Variants in SMC4 observed in about 807,000 individuals in gnomAD.
SMC4 encodes the protein structural maintenance of chromosomes protein 4.
Under a neutral mutation model 145.6 loss-of-function variants are expected in SMC4, and 87 were observed. That is an observed-to-expected ratio of 0.60 (90% confidence interval 0.50 to 0.71). SMC4 has a LOEUF of 0.71. Among genes scored for constraint, SMC4 ranks in the 30% least tolerant of loss-of-function variants. The probability of loss-of-function intolerance (pLI) is 0.00; values close to 1 mark genes in which losing one functional copy is unlikely to be tolerated. For missense variants in SMC4, 1,447 were observed against 1,537.1 expected (o/e 0.94, Z 0.98); for synonymous variants, 558 against 500.7 (o/e 1.11, Z -1.53).
chr3:160,404,214 A>T, intron 4 of SMC4, 114 bp from the exon 5 acceptor site: 1 of 890,100 alleles, frequency 1.1e-6, no homozygotes, highest in Non-Finnish European at 1.7e-6. Flanking sequence ...GTGCATGTTC[A>T]ATTGAAGTTT....
chr3:160,413,968 TTGA>T, intron 8 of SMC4: 1 of 319,456 alleles, frequency 3.1e-6, no homozygotes, highest in Non-Finnish European at 5.8e-6. Flanking sequence ...ATGTCCCTAC[TTGA>T]TGCCATTTTT....
intron 16 of SMC4, 101 bp from the exon 17 acceptor site, chr3:160,425,969 AGTGT>A (rs1414761693): frequency 4.9e-6 from 4 of 816,070 alleles, no homozygotes; most frequent in Non-Finnish European, 7.9e-6. Flanking sequence ...TCTTCCTATT[AGTGT>A]GTGTCTTTTT....
Position 160,411,986 on chromosome 3 carries a change from G to A in SMC4, c.754G>A (p.Glu252Lys). ...GQTEHDEGML[E>K]YLEDIIGCGR... is the part of the protein sequence containing the mutation. ...GACTGAACACGATGAGGGTATGCTT[G>A]AATATTTAGAAGATATAATTGGTTG... Residue 252 changes from glutamate (E) to lysine (K), a missense_variant, in exon 6 of 24, where the codon GAA (glutamate) becomes AAA (lysine). Transcript: ENST00000357388. 6.2e-7 allele frequency: 1 copy of A among 1,613,628 alleles called. No homozygotes were observed. The highest frequency in any genetic ancestry group is 8.5e-7 in the Non-Finnish European group (1 of 1,179,770).
At chr3:160,407,332 CACTTGAGCCCAGGA>C (rs1715443892) in intron 5 of SMC4, among the ~76,000 whole-genome samples, 1 of 152,160 alleles carries the variant, frequency 6.6e-6, no homozygotes, top group Non-Finnish European at 1.5e-5. Context: ...GCAGGCAGAT[CACTTGAGCCCAGGA>C]GTTGGAGACC....
At chr3:160,412,284 T>C (rs539601119) in intron 6 of SMC4, 42 bp from the exon 7 acceptor site, 2 of 1,549,462 alleles carry the variant, frequency 1.3e-6, no homozygotes, top group Non-Finnish European at 1.8e-6. Flanking sequence ...ATATTGTACA[T>C]ATGAAGTGTG....
intron 17 of SMC4, 76 bp downstream of exon 17, chr3:160,426,276 T>C: frequency 9.3e-7 from 1 of 1,077,152 alleles, no homozygotes; most frequent in Non-Finnish European, 1.4e-6. Flanking sequence ...TAAGAAGCAG[T>C]AGAATAATAA....
rs992895313 is a variant in SMC4 at position 160,401,963 on chromosome 3, A to G, written c.188A>G (p.Asn63Ser). Reference protein sequence around the residue: ...LDNRSLEEILNSIPPPPPPAM... With the variant: ...LDNRSLEEILSSIPPPPPPAM... ...AATAGAAGTTTAGAAGAGATTTTGA[A>G]CAGCATTCCTCCTCCCCCGCCTCCA... Residue 63 changes from asparagine (N) to serine (S), a missense_variant, in exon 3 of 24, where the codon AAC (asparagine) becomes AGC (serine). Asn to Ser is a conservative substitution (Grantham distance 46, BLOSUM62 1). Coordinates refer to ENST00000357388, the MANE Select transcript of SMC4 (RefSeq NM_001002800.3). The G allele has an allele frequency of 1.2e-6, 2 of 1,607,538 alleles. No individual in the cohort carries two copies. Among genetic ancestry groups the G allele is most frequent in the Non-Finnish European group, 1.7e-6 (2 of 1,177,210 alleles).
intron 18 of SMC4, among the ~76,000 whole-genome samples, chr3:160,429,364 TAC>T (rs895507605): frequency 5.3e-5 from 8 of 152,208 alleles, no homozygotes; most frequent in African/African-American, 1.9e-4. Flanking sequence ...TATTTTTTGA[TAC>T]AGAGTCTTGC....
intron 13 of SMC4, among the ~76,000 whole-genome samples, chr3:160,423,137 C>G (rs1267166644): frequency 1.3e-5 from 2 of 151,932 alleles, no homozygotes; most frequent in African/African-American, 4.8e-5. Flanking sequence ...TTTTAAGATC[C>G]AGATGGTCAA....
At chr3:160,414,234 T>C in intron 8 of SMC4, 133 bp from the exon 9 acceptor site, 1 of 753,944 alleles carries the variant, frequency 1.3e-6, no homozygotes, top group African/African-American at 1.7e-5. Context: ...CATCTTGGAA[T>C]AAGGAGAGTT....
chr3:160,422,566 A>G lies in SMC4; in HGVS notation c.2020-859A>G, dbSNP rs187931498. Among the ~76,000 whole-genome samples, 256 of 152,284 alleles carry G rather than the reference A, an allele frequency of 1.7e-3. 2 individuals are homozygous for G. The highest frequency in any genetic ancestry group is 5.9e-3 in the African/African-American group (247 of 41,556). ...CTTTGTTGAGTTGTAGGATTTCTCTATTCTGAATACAAGTCTCTTGTGAGA... is the reference window on the plus strand; with the variant it reads ...CTTTGTTGAGTTGTAGGATTTCTCTGTTCTGAATACAAGTCTCTTGTGAGA... On this transcript the variant is annotated intron_variant, in intron 13 of 23. Coordinates refer to ENST00000357388, the MANE Select transcript of SMC4 (RefSeq NM_001002800.3).
At chr3:160,420,556 G>A in intron 12 of SMC4, 184 bp from the exon 13 acceptor site, 1 of 487,698 alleles carries the variant, frequency 2.1e-6, no homozygotes, top group South Asian at 3.5e-5. Flanking sequence ...GTGCTCATTA[G>A]AAATTCAAGC....
At chr3:160,412,697 A>G in intron 7 of SMC4, 1 of 791,456 alleles carries the variant, frequency 1.3e-6, no homozygotes, top group Middle Eastern at 5.6e-4. Flanking sequence ...CCCCATCTCT[A>G]CAAAAAAAGG....
intron 1 of SMC4, 94 bp from the exon 2 acceptor site, chr3:160,400,728 C>T (rs1184405867): frequency 2.2e-6 from 3 of 1,370,988 alleles, no homozygotes; most frequent in Non-Finnish European, 2.8e-6. Flanking sequence ...AAGCGGGGCT[C>T]TCGGAAGCCG....
At chr3:160,423,908 T>A in intron 15 of SMC4, 68 bp downstream of exon 15, 1 of 1,285,278 alleles carries the variant, frequency 7.8e-7, no homozygotes, top group Non-Finnish European at 1.1e-6. Context: ...GGTATATACT[T>A]ACTACAAAAT....
rs1716593911 is a variant in SMC4, at chr3:160,416,419, A to C, written c.1437+4A>C. ...AGGGCTTCAGAAAGAAAAAGAAGTA[A>C]GTTTTTTTTTTTTATCAGTGTTTAT... On this transcript the variant is annotated splice_donor_region_variant and intron_variant, in intron 10 of 23. Coordinates refer to ENST00000357388, the MANE Select transcript of SMC4 (RefSeq NM_001002800.3). 1 of 1,443,994 alleles carries C rather than the reference A, an allele frequency of 6.9e-7. No homozygotes were observed. The highest frequency in any genetic ancestry group is 1.4e-5 in the African/African-American group (1 of 69,320). The allele number at this position is 1,443,994 out of a possible 1,614,324, so 89.4% of individuals were successfully genotyped here.
At chr3:160,428,277 CTTCG>C (rs1478630224) in intron 17 of SMC4, among the ~76,000 whole-genome samples, 2 of 152,178 alleles carry the variant, frequency 1.3e-5, no homozygotes, top group Non-Finnish European at 2.9e-5. Flanking sequence ...AACTTTTACT[CTTCG>C]TTGTCACAGG....
chr3:160,401,466 C>T (rs377065931), intron 2 of SMC4, among the ~76,000 whole-genome samples: 1 of 152,146 alleles, frequency 6.6e-6, no homozygotes, highest in African/African-American at 2.4e-5. Flanking sequence ...CATTATTAAA[C>T]CCTCGTGGCA....
chr3:160,430,520 G>A, intron 18 of SMC4, 79 bp from the exon 19 acceptor site: 1 of 1,222,980 alleles, frequency 8.2e-7, no homozygotes, highest in East Asian at 2.6e-5. Context: ...TAAATTTCAT[G>A]AAAAGTTCTT....
Sources: gnomAD v4.1 joint callset for allele counts (sites outside exome capture counted in the v4.1 genomes callset) on GRCh38, gnomAD v4.1.1 for gene constraint, MANE v1.5 for transcripts, NCBI Gene and HGNC (gene_info 2026-07-23, HGNC 2026-07-21) for gene names.